Variants in ADGRB3 observed in about 807,000 individuals in gnomAD.
ADGRB3 encodes adhesion G protein-coupled receptor B3, also known as brain-specific angiogenesis inhibitor 3.
ADGRB3 carries 37 observed loss-of-function variants against 193.4 expected under a neutral mutation model. The ratio of observed to expected loss-of-function variants is 0.19; its 90% CI spans 0.15 to 0.25. ADGRB3 has a LOEUF of 0.25. Ranked by LOEUF, ADGRB3 falls within the 10% of genes least tolerant of loss-of-function variation. ADGRB3 has a pLI of 1.00. For missense variants in ADGRB3, 1,637 were observed against 1,852.9 expected (o/e 0.88, Z 2.14); for synonymous variants, 690 against 644.2 (o/e 1.07, Z -1.08).
chr6:68,941,450 G>T (rs1767639660), intron 5 of ADGRB3, among the ~76,000 whole-genome samples: 1 of 152,016 alleles, frequency 6.6e-6, no homozygotes, highest in Admixed American at 6.6e-5. Flanking sequence ...GAAGATTCCA[G>T]TTTCATAATT....
intron 5 of ADGRB3, among the ~76,000 whole-genome samples, chr6:68,942,367 A>G (rs980130953): frequency 1.3e-5 from 2 of 152,170 alleles, no homozygotes; most frequent in African/African-American, 4.8e-5. Context: ...TTTCCTCTAT[A>G]AATTTCTACT....
chr6:68,749,872 A>C (rs1359878830), intron 3 of ADGRB3, among the ~76,000 whole-genome samples: 1 of 152,202 alleles, frequency 6.6e-6, no homozygotes, highest in Non-Finnish European at 1.5e-5. Context: ...ATAATGTAGG[A>C]TCTTGAATTG....
intron 20 of ADGRB3, among the ~76,000 whole-genome samples, chr6:69,310,797 A>G (rs1366770889): frequency 1.3e-5 from 2 of 151,714 alleles, no homozygotes; most frequent in Non-Finnish European, 2.9e-5. Context: ...CTGTAAGGAA[A>G]CCATGGTAAA....
At chr6:68,657,236 C>T (rs968138387) in intron 3 of ADGRB3, among the ~76,000 whole-genome samples, 8 of 151,324 alleles carry the variant, frequency 5.3e-5, no homozygotes, top group African/African-American at 1.9e-4. Context: ...CAAAAAATTT[C>T]CCCAAGTGCT....
intron 17 of ADGRB3, among the ~76,000 whole-genome samples, chr6:69,210,169 T>TATATATATATATATATATATATATATAA (rs1195654301): frequency 7.6e-6 from 1 of 131,118 alleles, no homozygotes; most frequent in African/African-American, 3.0e-5. Context: ...TATATATATA[T>TATATATATATATATATATATATATATAA]AAAGGGGAGT....
intron 16 of ADGRB3, among the ~76,000 whole-genome samples, chr6:69,070,344 C>T (rs1037159901): frequency 6.6e-6 from 1 of 151,824 alleles, no homozygotes; most frequent in African/African-American, 2.4e-5. Flanking sequence ...TTGTAGTTTA[C>T]AAATAATAAT....
chr6:68,660,678 TA>T (rs2127287239), intron 3 of ADGRB3, among the ~76,000 whole-genome samples: 1 of 151,340 alleles, frequency 6.6e-6, no homozygotes, highest in African/African-American at 2.4e-5. Context: ...GGACTTCTTT[TA>T]AAATGTCTCA....
rs540790424 is a variant in ADGRB3 at position 68,812,539 on chromosome 6, C to T, written c.758-118020C>T. 8.5e-5 allele frequency among the ~76,000 whole-genome samples: 13 copies of T among 152,094 alleles called. No homozygotes were observed. The South Asian group carries it at 2.7e-3, about 32-fold the overall frequency. ...TTGTGCCTTGCTAATGTTACCATTT[C>T]CTGTGGGGATGACTGTACTAGACAG... is the stretch of plus-strand genomic sequence containing the variant. On this transcript the variant is annotated intron_variant, in intron 3 of 31. Transcript: ENST00000370598.
At chr6:68,915,088 G>C (rs1285608039) in intron 3 of ADGRB3, among the ~76,000 whole-genome samples, 1 of 152,144 alleles carries the variant, frequency 6.6e-6, no homozygotes, top group Non-Finnish European at 1.5e-5. Flanking sequence ...CATAAAATTA[G>C]TTATAATTTG....
At chr6:69,031,068 TCTC>T (rs1770656533) in intron 13 of ADGRB3, among the ~76,000 whole-genome samples, 1 of 48,682 alleles carries the variant, frequency 2.1e-5, no homozygotes, top group Non-Finnish European at 5.9e-5. Flanking sequence ...TCTCTTCTCT[TCTC>T]TTCTCTTCTC....
chr6:69,370,717 C>T (rs1390776050), intron 29 of ADGRB3, among the ~76,000 whole-genome samples: 1 of 152,062 alleles, frequency 6.6e-6, no homozygotes, highest in African/African-American at 2.4e-5. Context: ...AAATGCAAAG[C>T]TCATGACTAA....
At chr6:68,788,375 A>G (rs1043841054) in intron 3 of ADGRB3, among the ~76,000 whole-genome samples, 2 of 152,132 alleles carry the variant, frequency 1.3e-5, no homozygotes, top group African/African-American at 4.8e-5. Context: ...CGTTGGTTTC[A>G]AAGAACATCT....
intron 15 of ADGRB3, among the ~76,000 whole-genome samples, chr6:69,051,918 G>A (rs999342672): frequency 3.3e-5 from 5 of 151,790 alleles, no homozygotes; most frequent in East Asian, 1.9e-4. Context: ...TTTTTGAGAC[G>A]GAGTCTCGCT....
intron 20 of ADGRB3, among the ~76,000 whole-genome samples, chr6:69,245,434 G>C (rs1448960531): frequency 6.6e-6 from 1 of 151,916 alleles, no homozygotes; most frequent in East Asian, 1.9e-4. Flanking sequence ...TAATATATTG[G>C]AACTCAGGAA....
chr6:68,720,291 A>T (rs1394331525), intron 3 of ADGRB3, among the ~76,000 whole-genome samples: 1 of 151,764 alleles, frequency 6.6e-6, no homozygotes, highest in Non-Finnish European at 1.5e-5. Context: ...TCAACTGCTA[A>T]GACAGCCCTA....
In ADGRB3 at chr6:69,120,248, C is replaced by A. The variant is rs1051439412; in HGVS notation, c.2480+44210C>A. On this transcript the variant is annotated intron_variant, in intron 17 of 31. Transcript: ENST00000370598. ...ACTGCATTGCTTATTGAAATGTGGT[C>A]CCTGAATCAGCAGCATGAGCATCAC... 6.6e-5 allele frequency among the ~76,000 whole-genome samples: 10 copies of A among 152,256 alleles called. No homozygotes were observed. The East Asian group carries it at 1.5e-3, about 24-fold the overall frequency.
At chr6:68,965,411 CG>C (rs1768349868) in intron 8 of ADGRB3, among the ~76,000 whole-genome samples, 1 of 151,050 alleles carries the variant, frequency 6.6e-6, no homozygotes, top group Non-Finnish European at 1.5e-5. Flanking sequence ...TGCCAACAAG[CG>C]AATTTTGAAA....
chr6:68,988,099 C>G (rs1197717032), intron 10 of ADGRB3, among the ~76,000 whole-genome samples: 8 of 152,016 alleles, frequency 5.3e-5, no homozygotes, highest in Admixed American at 5.3e-4. Context: ...ATTCAGCAAG[C>G]CCTTTGAACA....
intron 20 of ADGRB3, among the ~76,000 whole-genome samples, chr6:69,297,392 ATCTCTCTCTCTCTC>A (rs375206329): frequency 8.8e-6 from 1 of 113,262 alleles, no homozygotes; most frequent in African/African-American, 3.5e-5. Flanking sequence ...CTCTCTCTCT[ATCTCTCTCTCTCTC>A]TCTCTATATA....
Sources: gnomAD v4.1 joint callset for allele counts (sites outside exome capture counted in the v4.1 genomes callset) on GRCh38, gnomAD v4.1.1 for gene constraint, MANE v1.5 for transcripts, NCBI Gene and HGNC (gene_info 2026-07-23, HGNC 2026-07-21) for gene names.